Variants in PCDHA7 observed in about 807,000 individuals in gnomAD.
PCDHA7 encodes the protein protocadherin alpha 7, also known as protocadherin alpha-7.
A neutral mutation model predicts 57.2 loss-of-function variants in PCDHA7; 37 were observed. That is an observed-to-expected ratio of 0.65 (90% CI 0.50 to 0.85). The LOEUF (loss-of-function observed/expected upper bound fraction) is 0.85. Ranked by LOEUF, PCDHA7 falls within the 40% of genes least tolerant of loss-of-function variation. The probability of loss-of-function intolerance (pLI) is 0.00; values close to 1 mark genes in which losing one functional copy is unlikely to be tolerated. For missense variants in PCDHA7, 1,188 were observed against 1,241.8 expected, an observed-to-expected ratio of 0.96 and a Z score of 0.65; for synonymous variants, 553 against 558.8, an observed-to-expected ratio of 0.99 and a Z score of 0.15.
intron 3 of PCDHA7, among the ~76,000 whole-genome samples, chr5:141,005,494 G>A (rs1554260099): frequency 2.0e-5 from 3 of 151,700 alleles, no homozygotes; most frequent in Non-Finnish European, 2.9e-5. Flanking sequence ...ATGAGGTCAG[G>A]AGATCGAGAC....
chr5:140,843,170 A>G, intron 1 of PCDHA7: 1 of 1,596,072 alleles, frequency 6.3e-7, no homozygotes, highest in Non-Finnish European at 8.6e-7. Flanking sequence ...AGCTGCAAGC[A>G]GCCCTCGCAT....
intron 1 of PCDHA7, chr5:140,842,737 C>T: frequency 6.3e-7 from 1 of 1,595,052 alleles, no homozygotes; most frequent in Non-Finnish European, 8.6e-7. Context: ...CGCCGGGCTG[C>T]CACATCTTCA....
At position 140,883,390 on chromosome 5, in the gene PCDHA7, G is replaced by A. The variant is rs373348994; in HGVS notation, c.2355+46652G>A. The A allele has an allele frequency of 2.5e-6, 4 of 1,614,050 alleles. No homozygotes were observed. The African/African-American group carries it at 5.3e-5, about 22-fold the overall frequency. ...GCGCCATTATTGCCCTAATCAGTGT[G>A]TCCGATCGTGACTCTGGCTCAAATG... is the stretch of plus-strand genomic sequence containing the variant. On this transcript the variant is annotated intron_variant, in intron 1 of 3. Coordinates refer to ENST00000525929, the MANE Select transcript of PCDHA7 (RefSeq NM_018910.3).
At position 140,834,683 on chromosome 5, in the gene PCDHA7, G is replaced by T; in HGVS notation, c.300G>T (p.Ala100=). Residue 100 remains alanine (A), a synonymous_variant, in exon 1 of 4, where the codon GCG becomes GCT. Coordinates refer to ENST00000525929, the MANE Select transcript of PCDHA7 (RefSeq NM_018910.3). ...IDREELCGRS[A]ECSIHLEVIV... The stretch of plus-strand genomic sequence containing the variant: ...GCGAGGAGCTGTGCGGGCGGAGCGC[G>T]GAGTGCAGCATCCACCTGGAGGTGA... 1 of 1,614,256 alleles carries T rather than the reference G, an allele frequency of 6.2e-7. No individual in the cohort carries two copies. The highest frequency in any genetic ancestry group is 1.1e-5 in the South Asian group (1 of 91,088).
At chr5:140,968,278 G>A in intron 1 of PCDHA7, 1 of 1,614,014 alleles carries the variant, frequency 6.2e-7, no homozygotes, top group Non-Finnish European at 8.5e-7. Context: ...ATGCAGAGGT[G>A]ACCTACTCCC....
rs113297104 is a variant in PCDHA7 at position 140,984,945 on chromosome 5, CT to C, written c.2503+2392del. On this transcript the variant is annotated intron_variant, in intron 3 of 3. Transcript: ENST00000525929. The stretch of plus-strand genomic sequence containing the variant: ...GACATATAGTTAATAAATGTCTAAT[CT>C]TTTTTTTTTGAGACAGAGTCTCGCT... Among the ~76,000 whole-genome samples the C allele has an allele frequency of 9.4e-3, 1,407 of 149,276 alleles. 15 individuals are homozygous for C. Among genetic ancestry groups the C allele is most frequent in the East Asian group, 0.044 (226 of 5,092 alleles).
chr5:140,956,315 A>G (rs246013), intron 1 of PCDHA7, among the ~76,000 whole-genome samples: 85,586 of 151,908 alleles, frequency 0.56, 24,725 homozygotes, highest in African/African-American at 0.69. Flanking sequence ...TTATTTTGAG[A>G]TATGTTCCTT....
At chr5:140,869,899 G>T in intron 1 of PCDHA7, 1 of 1,610,464 alleles carries the variant, frequency 6.2e-7, no homozygotes, top group South Asian at 1.1e-5. Flanking sequence ...CAAACTAAAC[G>T]CCACAGACCG....
chr5:140,898,147 C>T (rs2066556304), intron 1 of PCDHA7, among the ~76,000 whole-genome samples: 1 of 152,150 alleles, frequency 6.6e-6, no homozygotes, highest in African/African-American at 2.4e-5. Flanking sequence ...GTTGCCTGTT[C>T]ACGCTGATGG....
chr5:140,885,924 TTATC>T lies in PCDHA7; in HGVS notation c.2355+49190_2355+49193del, dbSNP rs554293197. Among the ~76,000 whole-genome samples the T allele has an allele frequency of 1.1e-3, 168 of 152,304 alleles. 1 individual carries two copies. The highest frequency in any genetic ancestry group is 9.9e-3 in the South Asian group (48 of 4,826). ...TCTGTACCTTATAGATATTAACTGT[TTATC>T]TATTTTTTGACATTTTTAATTAAAA... On this transcript the variant is annotated intron_variant, in intron 1 of 3. Coordinates refer to ENST00000525929, the MANE Select transcript of PCDHA7 (RefSeq NM_018910.3).
Position 140,834,361 on chromosome 5 carries a change from G to C in PCDHA7, c.-23G>C. The stretch of plus-strand genomic sequence containing the variant: ...ATTCGAAGGCAAGTTTTGCTGACTA[G>C]AAAAACAAGCCAATAATTTGAAATG... On this transcript the variant is annotated 5_prime_UTR_variant, in exon 1 of 4. Coordinates refer to ENST00000525929, the MANE Select transcript of PCDHA7 (RefSeq NM_018910.3). The C allele has an allele frequency of 6.4e-7, 1 of 1,551,090 alleles. No individual in the cohort carries two copies. The highest frequency in any genetic ancestry group is 8.7e-7 in the Non-Finnish European group (1 of 1,150,644).
chr5:140,836,986 C>A, intron 1 of PCDHA7: 1 of 355,800 alleles, frequency 2.8e-6, no homozygotes, highest in East Asian at 4.9e-5. Context: ...TGGAGGAGGA[C>A]TTTGCTAACT....
At chr5:140,877,272 C>T in intron 1 of PCDHA7, 3 of 1,613,832 alleles carry the variant, frequency 1.9e-6, no homozygotes, top group Non-Finnish European at 2.5e-6. Flanking sequence ...TGGACGCTGA[C>T]TCCGGCTATA....
At chr5:140,843,066 C>T (rs2150351563) in intron 1 of PCDHA7, 4 of 1,595,216 alleles carry the variant, frequency 2.5e-6, no homozygotes, top group Non-Finnish European at 3.4e-6. Context: ...AAGCTGGTGC[C>T]GCGGTCTGTG....
chr5:140,910,791 G>A (rs1471299729), intron 1 of PCDHA7, among the ~76,000 whole-genome samples: 2 of 152,140 alleles, frequency 1.3e-5, no homozygotes, highest in Non-Finnish European at 2.9e-5. Context: ...ATTAAATGCA[G>A]AATCCCTGCT....
chr5:140,945,659 G>C (rs2093824580), intron 1 of PCDHA7, among the ~76,000 whole-genome samples: 1 of 152,090 alleles, frequency 6.6e-6, no homozygotes, highest in Non-Finnish European at 1.5e-5. Context: ...GCAGAATACA[G>C]CTCCCAGAAA....
chr5:140,956,186 T>C (rs1305769419), intron 1 of PCDHA7, among the ~76,000 whole-genome samples: 1 of 152,204 alleles, frequency 6.6e-6, no homozygotes, highest in Non-Finnish European at 1.5e-5. Context: ...AATACTATGC[T>C]GAATAGGAGT....
chr5:140,842,035 T>C (rs2150327747), intron 1 of PCDHA7: 3 of 1,613,864 alleles, frequency 1.9e-6, no homozygotes, highest in South Asian at 1.1e-5. Context: ...TGAATGATAA[T>C]GCTCCCACTT....
At chr5:140,870,667 T>C (rs251372) in intron 1 of PCDHA7, 777,079 of 1,612,370 alleles carry the variant, frequency 0.48, 188,810 homozygotes, top group South Asian at 0.57. Context: ...GCTGCAGCCG[T>C]TGGACCACGA....
Sources: gnomAD v4.1 joint callset for allele counts (sites outside exome capture counted in the v4.1 genomes callset) on GRCh38, gnomAD v4.1.1 for gene constraint, MANE v1.5 for transcripts, NCBI Gene and HGNC (gene_info 2026-07-23, HGNC 2026-07-21) for gene names.